GPC5: variants seen among roughly 807,000 people sequenced by gnomAD.
The protein encoded by GPC5 is glypican 5.
A neutral mutation model predicts 53.9 loss-of-function variants in GPC5; 47 were observed. That is an observed-to-expected ratio of 0.87 (90% confidence interval 0.69 to 1.11). The LOEUF (loss-of-function observed/expected upper bound fraction) is 1.11. Ranked by LOEUF, GPC5 falls within the 50% of genes most tolerant of loss-of-function variation. The probability of loss-of-function intolerance (pLI) is 0.00; values close to 1 mark genes in which losing one functional copy is unlikely to be tolerated. For synonymous variants in GPC5, 286 were observed against 263.3 expected (o/e 1.09, Z -0.84); for missense variants, 748 against 713.1 (o/e 1.05, Z -0.56).
At chr13:92,678,293 T>C (rs1387189175) in intron 7 of GPC5, among the ~76,000 whole-genome samples, 1 of 152,044 alleles carries the variant, frequency 6.6e-6, no homozygotes, top group Non-Finnish European at 1.5e-5. Context: ...TTATGTCAGG[T>C]GGTGGTAAGT....
rs115829635 is a variant in GPC5, at chr13:92,256,259, T to C, written c.1561+111270T>C. Among the ~76,000 whole-genome samples, 489 of 152,102 alleles carry C rather than the reference T, an allele frequency of 3.2e-3. 5 individuals are homozygous for C. The highest frequency in any genetic ancestry group is 0.011 in the African/African-American group (466 of 41,550). On this transcript the variant is annotated intron_variant, in intron 7 of 7. Coordinates refer to ENST00000377067, the MANE Select transcript of GPC5 (RefSeq NM_004466.6). ...GGTGTCCTCAATTGGATGTCGAATGTCCACGAATATGGGACTATATAACTT... is the reference window on the plus strand; with the variant it reads ...GGTGTCCTCAATTGGATGTCGAATGCCCACGAATATGGGACTATATAACTT...
chr13:91,908,304 T>A (rs2039576354), intron 6 of GPC5, among the ~76,000 whole-genome samples: 1 of 152,070 alleles, frequency 6.6e-6, no homozygotes. Flanking sequence ...CAGCATTTCA[T>A]AATGAGAATC....
At chr13:92,558,294 T>C (rs956126510) in intron 7 of GPC5, among the ~76,000 whole-genome samples, 2 of 152,050 alleles carry the variant, frequency 1.3e-5, no homozygotes, top group Non-Finnish European at 2.9e-5. Context: ...AATGATTATC[T>C]CAATGTTCTT....
intron 7 of GPC5, among the ~76,000 whole-genome samples, chr13:92,662,201 C>T (rs191970613): frequency 6.6e-6 from 1 of 152,230 alleles, no homozygotes; most frequent in Non-Finnish European, 1.5e-5. Flanking sequence ...TAAGCAATCC[C>T]ATTGTCACTT....
intron 2 of GPC5, among the ~76,000 whole-genome samples, chr13:91,460,621 A>T (rs866770203): frequency 1.3e-5 from 2 of 152,058 alleles, no homozygotes; most frequent in South Asian, 4.1e-4. Context: ...TTATTATATT[A>T]TTTCTTATCT....
At chr13:92,420,577 G>A (rs1876513086) in intron 7 of GPC5, among the ~76,000 whole-genome samples, 1 of 151,812 alleles carries the variant, frequency 6.6e-6, no homozygotes, top group Admixed American at 6.6e-5. Flanking sequence ...TCAAATACTA[G>A]ATCTTATTCT....
chr13:91,517,755 C>T (rs1885580923), intron 2 of GPC5, among the ~76,000 whole-genome samples: 1 of 152,134 alleles, frequency 6.6e-6, no homozygotes, highest in South Asian at 2.1e-4. Context: ...CTTACAGTTC[C>T]CCATGGGTGG....
intron 7 of GPC5, among the ~76,000 whole-genome samples, chr13:92,186,404 A>G (rs2042183982): frequency 6.6e-6 from 1 of 151,918 alleles, no homozygotes; most frequent in South Asian, 2.1e-4. Flanking sequence ...GCAATCATAT[A>G]TGTGTAATAT....
chr13:92,279,360 A>T (rs984852280), intron 7 of GPC5, among the ~76,000 whole-genome samples: 4 of 151,978 alleles, frequency 2.6e-5, no homozygotes, highest in Admixed American at 1.3e-4. Flanking sequence ...AGTTTTTTAT[A>T]TTCATCTTGT....
chr13:91,964,051 C>G (rs1278963121), intron 6 of GPC5, among the ~76,000 whole-genome samples: 1 of 152,078 alleles, frequency 6.6e-6, no homozygotes, highest in African/African-American at 2.4e-5. Flanking sequence ...GCCATGGACT[C>G]TCGCGGTGTT....
rs114303850 is a variant in GPC5, at chr13:92,513,171, G to A, written c.1562-353111G>A. On this transcript the variant is annotated intron_variant, in intron 7 of 7. Transcript: ENST00000377067. ...AATACTGTTCTTCTAGGAGAAGGGC[G>A]GGAATCAGCAGGCCGCCTTTTCCTG... 2.9e-3 allele frequency among the ~76,000 whole-genome samples: 446 copies of A among 152,286 alleles called. 1 individual carries two copies. Among genetic ancestry groups the A allele is most frequent in the African/African-American group, 0.01 (431 of 41,538 alleles).
Position 92,264,616 on chromosome 13 carries a change from A to G in GPC5, c.1561+119627A>G, listed in dbSNP as rs149224094. Among the ~76,000 whole-genome samples the G allele has an allele frequency of 3.3e-5, 5 of 151,698 alleles. No homozygotes were observed. In the East Asian group the frequency reaches 9.7e-4, roughly 29 times the overall value. ...GGATGACTTACAGTCAAGACCCTCC[A>G]CTAGTAACAATGGGAGCTGCTGAGT... is the stretch of plus-strand genomic sequence containing the variant. On this transcript the variant is annotated intron_variant, in intron 7 of 7. Coordinates refer to ENST00000377067, the MANE Select transcript of GPC5 (RefSeq NM_004466.6).
At chr13:92,720,213 A>G (rs1338965298) in intron 7 of GPC5, among the ~76,000 whole-genome samples, 1 of 152,164 alleles carries the variant, frequency 6.6e-6, no homozygotes, top group African/African-American at 2.4e-5. Flanking sequence ...AGGGTAAAGA[A>G]AACATTCTGC....
intron 6 of GPC5, among the ~76,000 whole-genome samples, chr13:91,950,321 C>T (rs555970856): frequency 6.9e-6 from 1 of 145,614 alleles, no homozygotes; most frequent in Non-Finnish European, 1.5e-5. Flanking sequence ...CTTCCTTCAG[C>T]CTGGGATGAA....
chr13:91,425,969 G>A (rs1879013769), intron 1 of GPC5, among the ~76,000 whole-genome samples: 1 of 152,158 alleles, frequency 6.6e-6, no homozygotes, highest in Non-Finnish European at 1.5e-5. Flanking sequence ...TGAAGCAAAG[G>A]TCACTCTTGC....
intron 6 of GPC5, among the ~76,000 whole-genome samples, chr13:92,119,492 G>A (rs375812396): frequency 7.0e-5 from 9 of 128,544 alleles, no homozygotes; most frequent in South Asian, 5.2e-4. Context: ...TCCGCCCCCC[G>A]GGGTTCACAC....
At chr13:91,621,412 A>C (rs1452241332) in intron 2 of GPC5, among the ~76,000 whole-genome samples, 2 of 152,080 alleles carry the variant, frequency 1.3e-5, no homozygotes, top group African/African-American at 4.8e-5. Context: ...GGAAGTCTGG[A>C]CAAGCTCATC....
At chr13:92,415,616 G>A (rs1594182716) in intron 7 of GPC5, among the ~76,000 whole-genome samples, 1 of 151,648 alleles carries the variant, frequency 6.6e-6, no homozygotes, top group South Asian at 2.1e-4. Context: ...AGGCCAAGAC[G>A]TTGAGTGAGT....
chr13:92,320,427 A>G (rs1308529312), intron 7 of GPC5, among the ~76,000 whole-genome samples: 3 of 152,184 alleles, frequency 2.0e-5, no homozygotes, highest in Non-Finnish European at 4.4e-5. Flanking sequence ...TAGCATAATG[A>G]CATGCAGGTG....
Sources: allele counts gnomAD v4.1 joint callset (sites outside exome capture counted in the v4.1 genomes callset), GRCh38; gene constraint gnomAD v4.1.1; transcripts MANE v1.5; gene names NCBI Gene and HGNC (gene_info 2026-07-23, HGNC 2026-07-21).